PDZRN4: variants seen among roughly 807,000 people sequenced by gnomAD.
The protein encoded by PDZRN4 is PDZ domain-containing RING finger protein 4.
PDZRN4 carries 70 observed loss-of-function variants against 99.0 expected under a neutral mutation model. The observed-to-expected ratio is 0.71, with a 90% CI of 0.58 to 0.86. PDZRN4 has a LOEUF of 0.86. PDZRN4 is among the 40% of genes least tolerant of loss of function. The pLI, the probability that PDZRN4 is intolerant of heterozygous loss-of-function variation, is 0.00. For missense variants in PDZRN4, 1,474 were observed against 1,331.2 expected (o/e 1.11, Z -1.67); for synonymous variants, 551 against 501.6 (o/e 1.10, Z -1.32).
At chr12:41,563,771 A>C (rs910764891) in intron 8 of PDZRN4, 122 bp downstream of exon 8, 2 of 695,104 alleles carry the variant, frequency 2.9e-6, no homozygotes, top group Non-Finnish European at 4.8e-6. Context: ...TATCACGGTT[A>C]TCTCTCCCCA....
intron 3 of PDZRN4, among the ~76,000 whole-genome samples, chr12:41,384,041 C>T (rs928050347): frequency 3.1e-5 from 4 of 129,290 alleles, no homozygotes; most frequent in East Asian, 2.3e-4. Context: ...CTCTGTCTGT[C>T]GCCCAGGCTG....
chr12:41,238,765 A>G (rs1951084565), intron 3 of PDZRN4, among the ~76,000 whole-genome samples: 1 of 152,142 alleles, frequency 6.6e-6, no homozygotes, highest in Non-Finnish European at 1.5e-5. Flanking sequence ...AAAATAAAAA[A>G]TAAAAAACTC....
intron 5 of PDZRN4, among the ~76,000 whole-genome samples, chr12:41,539,639 G>T (rs549016365): frequency 1.3e-5 from 2 of 152,134 alleles, no homozygotes; most frequent in South Asian, 4.2e-4. Context: ...TCAGTAACCA[G>T]CTGATAGAAA....
intron 3 of PDZRN4, among the ~76,000 whole-genome samples, chr12:41,230,089 G>A (rs530809209): frequency 6.6e-5 from 10 of 151,896 alleles, no homozygotes; most frequent in Admixed American, 2.6e-4. Flanking sequence ...ATCACAAACC[G>A]GATAACATTT....
At position 41,512,581 on chromosome 12, in the gene PDZRN4, T is replaced by C. The variant is rs530527961; in HGVS notation, c.1203+2668T>C. On this transcript the variant is annotated intron_variant, in intron 5 of 9. Coordinates refer to ENST00000402685, the MANE Select transcript of PDZRN4 (RefSeq NM_001164595.2). ...GTGAATTCAGAGAAAGGAGGGTGTGTTTTGTGGAGCCTTTGGCTTTGACCA... is the reference window on the plus strand; with the variant it reads ...GTGAATTCAGAGAAAGGAGGGTGTGCTTTGTGGAGCCTTTGGCTTTGACCA... Among the ~76,000 whole-genome samples the C allele has an allele frequency of 2.1e-3, 314 of 151,952 alleles. 1 individual carries two copies. Among genetic ancestry groups the C allele is most frequent in the Non-Finnish European group, 3.7e-3 (248 of 67,898 alleles).
chr12:41,251,999 C>T (rs773017583), intron 3 of PDZRN4, among the ~76,000 whole-genome samples: 40 of 152,036 alleles, frequency 2.6e-4, no homozygotes, highest in South Asian at 2.1e-4. Context: ...GCCTGTAGTC[C>T]CAGCTACTCA....
At chr12:41,553,948 T>C (rs1056585391) in intron 6 of PDZRN4, among the ~76,000 whole-genome samples, 2 of 152,134 alleles carry the variant, frequency 1.3e-5, no homozygotes, top group African/African-American at 4.8e-5. Flanking sequence ...ATTGTTTTGA[T>C]AGACCTGCTT....
chr12:41,232,564 G>A (rs1390191816), intron 3 of PDZRN4, among the ~76,000 whole-genome samples: 1 of 152,024 alleles, frequency 6.6e-6, no homozygotes, highest in Non-Finnish European at 1.5e-5. Context: ...TGTAGATTCT[G>A]GATATTAACC....
intron 3 of PDZRN4, among the ~76,000 whole-genome samples, chr12:41,332,438 A>G (rs1188960772): frequency 2.0e-5 from 3 of 152,074 alleles, no homozygotes; most frequent in African/African-American, 7.2e-5. Flanking sequence ...GTCCCAAGGC[A>G]GAATGTTTTC....
At chr12:41,551,804 C>A (rs1252001340) in intron 5 of PDZRN4, among the ~76,000 whole-genome samples, 1 of 152,102 alleles carries the variant, frequency 6.6e-6, no homozygotes, top group African/African-American at 2.4e-5. Context: ...GTGTTTTAAT[C>A]CTTGGAAATA....
At chr12:41,534,799 T>C (rs1406551806) in intron 5 of PDZRN4, among the ~76,000 whole-genome samples, 2 of 152,220 alleles carry the variant, frequency 1.3e-5, no homozygotes, top group Non-Finnish European at 2.9e-5. Flanking sequence ...TGATCCATAA[T>C]ATAAATACAA....
At chr12:41,205,762 T>A (rs1049433416) in intron 3 of PDZRN4, among the ~76,000 whole-genome samples, 1 of 151,762 alleles carries the variant, frequency 6.6e-6, no homozygotes, top group Non-Finnish European at 1.5e-5. Context: ...TTACAGAAGA[T>A]CACAGATCAT....
chr12:41,498,459 T>A (rs768511099), intron 3 of PDZRN4, among the ~76,000 whole-genome samples: 29 of 152,162 alleles, frequency 1.9e-4, no homozygotes, highest in Non-Finnish European at 3.1e-4. Context: ...GCAAAGGCCT[T>A]CTTTCTGTGT....
chr12:41,284,846 C>G (rs1951412112), intron 3 of PDZRN4, among the ~76,000 whole-genome samples: 1 of 152,096 alleles, frequency 6.6e-6, no homozygotes, highest in South Asian at 2.1e-4. Context: ...ACACCTTATA[C>G]AAAAATTTAC....
intron 3 of PDZRN4, among the ~76,000 whole-genome samples, chr12:41,463,197 A>C (rs7966986): frequency 9.7e-4 from 147 of 152,314 alleles, no homozygotes; most frequent in African/African-American, 3.5e-3. Flanking sequence ...CTGTGCTCTG[A>C]AATGTACAAA....
intron 3 of PDZRN4, among the ~76,000 whole-genome samples, chr12:41,475,728 C>T (rs976883544): frequency 1.3e-5 from 2 of 152,226 alleles, no homozygotes; most frequent in African/African-American, 2.4e-5. Flanking sequence ...TTCATGAAAA[C>T]CATAATTCCT....
chr12:41,544,727 G>A lies in PDZRN4; in HGVS notation c.1204-7929G>A, dbSNP rs767304076. ...ACTAAGCATCAGTGAAATTTTGATAGAGGACTTCAGGACCCCTATTTCAGA... is the reference window on the plus strand; with the variant it reads ...ACTAAGCATCAGTGAAATTTTGATAAAGGACTTCAGGACCCCTATTTCAGA... On this transcript the variant is annotated intron_variant, in intron 5 of 9. Transcript: ENST00000402685. 5.4e-4 allele frequency among the ~76,000 whole-genome samples: 82 copies of A among 152,302 alleles called. 1 individual carries two copies. Among genetic ancestry groups the A allele is most frequent in the Non-Finnish European group, 9.3e-4 (63 of 68,028 alleles).
At chr12:41,368,695 T>C (rs1952019454) in intron 3 of PDZRN4, among the ~76,000 whole-genome samples, 5 of 152,098 alleles carry the variant, frequency 3.3e-5, no homozygotes, top group African/African-American at 1.2e-4. Flanking sequence ...TGGCATTATC[T>C]CACTCCATGC....
chr12:41,244,996 A>G (rs909979862), intron 3 of PDZRN4, among the ~76,000 whole-genome samples: 1 of 151,994 alleles, frequency 6.6e-6, no homozygotes, highest in Non-Finnish European at 1.5e-5. Flanking sequence ...GGCCCACACC[A>G]CTGTCTTGAC....
Sources: allele counts gnomAD v4.1 joint callset (sites outside exome capture counted in the v4.1 genomes callset), GRCh38; gene constraint gnomAD v4.1.1; transcripts MANE v1.5; gene names NCBI Gene and HGNC (gene_info 2026-07-23, HGNC 2026-07-21).